PBRM1: variants seen among roughly 807,000 people sequenced by gnomAD.
PBRM1 encodes the protein protein polybromo-1.
In PBRM1, 27 loss-of-function variants were observed where a neutral mutation model predicts 194.5. That is an observed-to-expected ratio of 0.14 (90% CI 0.10 to 0.19). The LOEUF (loss-of-function observed/expected upper bound fraction) is 0.19. PBRM1 is among the 10% of genes least tolerant of loss of function. The pLI, the probability that PBRM1 is intolerant of heterozygous loss-of-function variation, is 1.00. For missense variants in PBRM1, 1,466 were observed against 2,077.2 expected, an observed-to-expected ratio of 0.71 and a Z score of 5.72; for synonymous variants, 655 against 693.2, an observed-to-expected ratio of 0.94 and a Z score of 0.87.
exon 7 of PBRM1, chr3:52,648,435 C>T: frequency 6.3e-7 from 1 of 1,587,998 alleles, no homozygotes; most frequent in Non-Finnish European, 8.6e-7. Context: ...ACTTTTGTAG[C>T]TTCCATTCTA....
At chr3:52,637,283 T>C (rs1274865009) in intron 10 of PBRM1, among the ~76,000 whole-genome samples, 1 of 152,170 alleles carries the variant, frequency 6.6e-6, no homozygotes, top group Admixed American at 6.5e-5. Flanking sequence ...AAGGTAACAG[T>C]ATTACCTTGT....
At chr3:52,679,863 T>G (rs553052747), upstream of PBRM1, 10 of 488,810 alleles carry the variant, frequency 2.0e-5, no homozygotes, top group South Asian at 5.1e-5. Flanking sequence ...GCTATAAGTT[T>G]TTTTTTTTTT....
chr3:52,601,521 C>A (rs2093992209), intron 17 of PBRM1, among the ~76,000 whole-genome samples: 1 of 151,768 alleles, frequency 6.6e-6, no homozygotes, highest in African/African-American at 2.4e-5. Context: ...AAGCGGAGCT[C>A]AGGGGGTAAT....
intron 2 of PBRM1, among the ~76,000 whole-genome samples, chr3:52,678,181 G>A (rs536001808): frequency 1.4e-4 from 21 of 151,938 alleles, no homozygotes; most frequent in Admixed American, 2.6e-4. Context: ...TGCCCAGGCT[G>A]GTGTCATACT....
chr3:52,634,813 C>T (rs2153647729), exon 11 of PBRM1: 1 of 1,609,732 alleles, frequency 6.2e-7, no homozygotes. Context: ...TCATAGCGTG[C>T]AGCTGGAAAG....
At chr3:52,682,543 A>G (rs1454058329), upstream of PBRM1, among the ~76,000 whole-genome samples, 1 of 152,226 alleles carries the variant, frequency 6.6e-6, no homozygotes, top group Non-Finnish European at 1.5e-5. Flanking sequence ...TGGTAAGATA[A>G]GAAAAAGTTT....
intron 22 of PBRM1, among the ~76,000 whole-genome samples, chr3:52,575,897 A>G (rs2089453884): frequency 6.6e-6 from 1 of 152,100 alleles, no homozygotes; most frequent in Non-Finnish European, 1.5e-5. Flanking sequence ...AAATGAAGAG[A>G]CAAATTATAA....
intron 17 of PBRM1, among the ~76,000 whole-genome samples, chr3:52,591,030 T>A (rs1414525002): frequency 6.6e-6 from 1 of 152,224 alleles, no homozygotes; most frequent in African/African-American, 2.4e-5. Flanking sequence ...CAATTGTGAA[T>A]GACAATGCGT....
chr3:52,655,309 A>G (rs2096589183), intron 5 of PBRM1, among the ~76,000 whole-genome samples: 1 of 152,318 alleles, frequency 6.6e-6, no homozygotes, highest in South Asian at 2.1e-4. Flanking sequence ...TAGGTACCTC[A>G]TATAAGAAAT....
intron 21 of PBRM1, among the ~76,000 whole-genome samples, chr3:52,577,057 C>T (rs948614859): frequency 6.6e-6 from 1 of 152,152 alleles, no homozygotes; most frequent in African/African-American, 2.4e-5. Flanking sequence ...AGACATAAAA[C>T]ATCAATATTT....
At chr3:52,576,431 G>T in intron 22 of PBRM1, 110 bp downstream of exon 24, 2 of 652,480 alleles carry the variant, frequency 3.1e-6, no homozygotes, top group South Asian at 3.4e-5. Flanking sequence ...CAGAGATTTG[G>T]ATTTGGGCAC....
At chr3:52,643,547 T>C (rs531441592) in intron 8 of PBRM1, among the ~76,000 whole-genome samples, 2 of 152,340 alleles carry the variant, frequency 1.3e-5, no homozygotes, top group Non-Finnish European at 2.9e-5. Flanking sequence ...AGAGAGCTTT[T>C]GGTCACTGCA....
chr3:52,639,280 TCA>T (rs923746457), intron 10 of PBRM1, among the ~76,000 whole-genome samples: 5 of 152,276 alleles, frequency 3.3e-5, no homozygotes, highest in South Asian at 2.1e-4. Flanking sequence ...CTGGCCTTAT[TCA>T]CACATTCTTT....
exon 24 of PBRM1, chr3:52,563,404 C>T (rs2084195160): frequency 6.2e-7 from 1 of 1,613,968 alleles, no homozygotes. Context: ...ATCATCATCT[C>T]CACCTTCTAA....
At chr3:52,587,245 A>G in intron 19 of PBRM1, 108 bp downstream of exon 21, 1 of 866,030 alleles carries the variant, frequency 1.2e-6, no homozygotes, top group Non-Finnish European at 1.9e-6. Context: ...GGCTTAAAAA[A>G]TAGCTTAAAA....
At chr3:52,561,691 TA>T in intron 25 of PBRM1, 75 bp downstream of exon 27, 1 of 1,282,998 alleles carries the variant, frequency 7.8e-7, no homozygotes, top group Middle Eastern at 2.6e-4. Flanking sequence ...AGAACAAGAG[TA>T]AAACCTGTCT....
chr3:52,586,286 G>C, intron 20 of PBRM1, 139 bp downstream of exon 22: 1 of 723,600 alleles, frequency 1.4e-6, no homozygotes, highest in African/African-American at 1.8e-5. Context: ...ATTTCTTTCT[G>C]TTATAGTTTC....
At chr3:52,617,193 A>C in intron 14 of PBRM1, 69 bp downstream of exon 16, 1 of 1,281,034 alleles carries the variant, frequency 7.8e-7, no homozygotes, top group South Asian at 1.4e-5. Context: ...GGTCTCTCAA[A>C]ATGCATTATT....
intron 27 of PBRM1, among the ~76,000 whole-genome samples, chr3:52,552,858 C>T (rs989977524): frequency 6.6e-6 from 1 of 152,346 alleles, no homozygotes; most frequent in Non-Finnish European, 1.5e-5. Flanking sequence ...TTATGACTGA[C>T]TCCTGCTGCA....
Sources: allele counts gnomAD v4.1 joint callset (sites outside exome capture counted in the v4.1 genomes callset), GRCh38; gene constraint gnomAD v4.1.1; transcripts MANE v1.5; gene names NCBI Gene and HGNC (gene_info 2026-07-23, HGNC 2026-07-21).